The following USP20 variants were observed in gnomAD, a reference collection of about 807,000 sequenced individuals.
The protein encoded by USP20 is ubiquitin carboxyl-terminal hydrolase 20.
A neutral mutation model predicts 124.2 loss-of-function variants in USP20; 80 were observed. The ratio of observed to expected loss-of-function variants is 0.64; its 90% confidence interval spans 0.54 to 0.78. The LOEUF (loss-of-function observed/expected upper bound fraction) is 0.78. USP20 is among the 30% of genes least tolerant of loss of function. The pLI is 0.00. For missense variants in USP20, 1,043 were observed against 1,244.4 expected (o/e 0.84, Z 2.44); for synonymous variants, 481 against 512.3 (o/e 0.94, Z 0.83).
rs915398512 is a variant in USP20, at chr9:129,869,058, C to T, written c.1276+56C>T. ...TGAGGCTGGGAGTACAGATTACGCC[C>T]GTAGCTGCCTTTCTCATGGCCCCCT... is the stretch of plus-strand genomic sequence containing the variant. On this transcript the variant is annotated intron_variant, in intron 12 of 25. Coordinates refer to ENST00000372429, the MANE Select transcript of USP20 (RefSeq NM_001110303.4). 4.8e-5 allele frequency: 73 copies of T among 1,535,130 alleles called. No individual in the cohort carries two copies. In the African/African-American group the frequency reaches 6.4e-4, roughly 14 times the overall value.
At position 129,849,885 on chromosome 9, in the gene USP20, G is replaced by A. The variant is rs890186888; in HGVS notation, c.-56G>A. 3.9e-5 allele frequency: 6 copies of A among 152,272 alleles called. No homozygotes were observed. Among genetic ancestry groups the A allele is most frequent in the East Asian group, 1.9e-4 (1 of 5,208 alleles). The allele number at this position is 152,272 out of a possible 1,614,324, so 9.4% of individuals were successfully genotyped here. A position where few individuals can be genotyped will look rare whatever the true frequency, so the allele number is the denominator to read the frequency against. ...GCTGTCAGCTGTCAACAAAGGATGC[G>A]AATGCTGGCCGCTTCCTGTGGGCTT... On this transcript the variant is annotated 5_prime_UTR_variant, in exon 2 of 26. Coordinates refer to ENST00000372429, the MANE Select transcript of USP20 (RefSeq NM_001110303.4).
At chr9:129,868,585 TC>T (rs1379294075) in intron 11 of USP20, 136 bp downstream of exon 11, 17 of 1,438,538 alleles carry the variant, frequency 1.2e-5, no homozygotes, top group Admixed American at 8.2e-5. Context: ...GAAGTCAGCC[TC>T]CGGGGGGGCT....
rs2032080774 is a variant in USP20, at chr9:129,839,652, G to A, written c.-129+4153G>A. Among the ~76,000 whole-genome samples, 1 of 152,090 alleles carries A rather than the reference G, an allele frequency of 6.6e-6. No individual in the cohort carries two copies. Among genetic ancestry groups the A allele is most frequent in the South Asian group, 2.1e-4 (1 of 4,832 alleles). On this transcript the variant is annotated intron_variant, in intron 1 of 25. Coordinates refer to ENST00000372429, the MANE Select transcript of USP20 (RefSeq NM_001110303.4). This position sits in a 1 kb window ranked among gnomAD's most constrained non-coding sequence, Gnocchi z 4.5. Reference sequence around the variant, plus strand: ...GCTGGGGGTGTGAGATGGCTAATGTGGTTGGGGTCAGCGTGGGCAGGGCTG... The same window carrying A: ...GCTGGGGGTGTGAGATGGCTAATGTAGTTGGGGTCAGCGTGGGCAGGGCTG...
intron 15 of USP20, among the ~76,000 whole-genome samples, chr9:129,872,507 T>C (rs1343270934): frequency 6.6e-6 from 1 of 152,186 alleles, no homozygotes; most frequent in Non-Finnish European, 1.5e-5. Flanking sequence ...AACCCTGTCC[T>C]CCCATCCTGT....
chr9:129,835,944 A>G (rs2031799169), intron 1 of USP20: 1 of 152,056 alleles, frequency 6.6e-6, no homozygotes, highest in Admixed American at 6.5e-5. Context: ...CTGCCTCACA[A>G]ATAATGGCCC....
chr9:129,842,570 G>A (rs187717413), intron 1 of USP20, among the ~76,000 whole-genome samples: 4 of 151,660 alleles, frequency 2.6e-5, no homozygotes, highest in Non-Finnish European at 4.4e-5. Flanking sequence ...CCATGCTTCC[G>A]ATATTTTAGG....
At chr9:129,848,394 G>T (rs953097479) in intron 1 of USP20, among the ~76,000 whole-genome samples, 1 of 152,300 alleles carries the variant, frequency 6.6e-6, no homozygotes, top group South Asian at 2.1e-4. Flanking sequence ...TGTAAAATGG[G>T]AGTAGTGAGA....
chr9:129,845,024 A>G (rs2032457285), intron 1 of USP20, among the ~76,000 whole-genome samples: 1 of 152,192 alleles, frequency 6.6e-6, no homozygotes, highest in African/African-American at 2.4e-5. Flanking sequence ...CTCTACCAAA[A>G]ATACAAAAAT....
At position 129,876,256 on chromosome 9, in the gene USP20, G is replaced by C; in HGVS notation, c.2409+18G>C. 1.9e-6 allele frequency: 3 copies of C among 1,591,794 alleles called. No homozygotes were observed. The highest frequency in any genetic ancestry group is 2.6e-6 in the Non-Finnish European group (3 of 1,168,438). ...TCATCAAGGTGCGTGCGGCGAGGCG[G>C]CGCGGGGGCGGCTCTGCCAGCCTCT... On this transcript the variant is annotated intron_variant, in intron 22 of 25. Transcript: ENST00000372429.
At chr9:129,838,923 GC>G (rs1363026578) in intron 1 of USP20, among the ~76,000 whole-genome samples, 1 of 152,216 alleles carries the variant, frequency 6.6e-6, no homozygotes, top group Non-Finnish European at 1.5e-5. Context: ...GCTTTGAGCT[GC>G]AGGGAGATAC....
chr9:129,875,704 G>C (rs1000641428), intron 21 of USP20, 63 bp downstream of exon 21: 114 of 1,536,600 alleles, frequency 7.4e-5, no homozygotes, highest in Admixed American at 8.7e-5. Context: ...CAGGAAAAGA[G>C]GGGAGGGCAG....
chr9:129,868,953 C>A lies in USP20; in HGVS notation c.1227C>A (p.Pro409=). ...GCCATGCCAAGCTGTCTAGCAGCCC[C>A]CCTCGTGCAAGCCCCGTGAGGATGG... ...HEGHAKLSSS[P]PRASPVRMAP... is the part of the protein sequence containing the mutation. The change falls in exon 12 of 26, where the codon CCC becomes CCA. Residue 409 remains proline, a synonymous_variant. Coordinates refer to ENST00000372429, the MANE Select transcript of USP20 (RefSeq NM_001110303.4). The A allele has an allele frequency of 6.2e-7, 1 of 1,612,850 alleles. No individual in the cohort carries two copies. Among genetic ancestry groups the A allele is most frequent in the African/African-American group, 1.3e-5 (1 of 75,036 alleles).
chr9:129,873,376 G>A, intron 15 of USP20, 106 bp from the exon 16 acceptor site: 1 of 1,445,182 alleles, frequency 6.9e-7, no homozygotes, highest in Non-Finnish European at 9.7e-7. Context: ...GAGCCACCAT[G>A]CCCAGCCAGG....
At chr9:129,861,078 G>C in intron 7 of USP20, 45 bp downstream of exon 7, 1 of 1,576,422 alleles carries the variant, frequency 6.3e-7, no homozygotes, top group South Asian at 1.1e-5. Context: ...TGGGCTGGGG[G>C]CCCTCATCTG....
rs927329708 is a variant in USP20, at chr9:129,875,607, C to T, written c.2266C>T (p.Leu756=). The change falls in exon 21 of 26, where the codon CTG becomes TTG. Residue 756 remains leucine (L), a synonymous_variant. Transcript: ENST00000372429. ...CTACATCGACGACCTGGTGGTCATC[C>T]TGCCCCAGAACGTCTGGGAGCACCT... ...YHYIDDLVVI[L]PQNVWEHLYN... The T allele has an allele frequency of 8.7e-6, 14 of 1,613,974 alleles. No individual in the cohort carries two copies. In the African/African-American group the frequency reaches 1.9e-4, roughly 22 times the overall value.
chr9:129,845,822 T>C (rs1043006945), intron 1 of USP20, among the ~76,000 whole-genome samples: 1 of 152,252 alleles, frequency 6.6e-6, no homozygotes, highest in African/African-American at 2.4e-5. Context: ...ATCACTTGAC[T>C]CTATCCTCCA....
chr9:129,871,708 T>G (rs2034136957), intron 15 of USP20, among the ~76,000 whole-genome samples: 1 of 152,144 alleles, frequency 6.6e-6, no homozygotes, highest in Non-Finnish European at 1.5e-5. Flanking sequence ...TTGTGCGTTT[T>G]TTTTGTTTTG....
At chr9:129,840,465 G>A (rs7869070) in intron 1 of USP20, among the ~76,000 whole-genome samples, 6,322 of 152,180 alleles carry the variant, frequency 0.042, 454 homozygotes, top group African/African-American at 0.14. Flanking sequence ...CAGAAAACCC[G>A]CTCCCTGCTC....
At chr9:129,865,224 C>T (rs750466) in intron 9 of USP20, 79 bp from the exon 10 acceptor site, 151,380 of 1,492,344 alleles carry the variant, frequency 0.1, 18,124 homozygotes, top group East Asian at 0.62. Context: ...TCCAGCCTGA[C>T]GGGCTGGCTG....
Sources: allele counts gnomAD v4.1 joint callset (sites outside exome capture counted in the v4.1 genomes callset), GRCh38; gene constraint gnomAD v4.1.1; non-coding constraint Gnocchi (gnomAD v3.1); transcripts MANE v1.5; gene names NCBI Gene and HGNC (gene_info 2026-07-23, HGNC 2026-07-21).